The following RYR2 variants were observed in gnomAD, a reference collection of about 807,000 sequenced individuals.
RYR2 encodes the protein ryanodine receptor 2.
RYR2 carries 227 observed loss-of-function variants against 601.1 expected under a neutral mutation model. The ratio of observed to expected loss-of-function variants is 0.38; its 90% CI spans 0.34 to 0.42. The LOEUF (loss-of-function observed/expected upper bound fraction) is 0.42. RYR2 is among the 10% of genes least tolerant of loss of function. The pLI, the probability that RYR2 is intolerant of heterozygous loss-of-function variation, is 1.00. For synonymous variants in RYR2, 2,223 were observed against 2,175.1 expected (o/e 1.02, Z -0.61); for missense variants, 4,646 against 6,156.5 (o/e 0.75, Z 8.21).
At chr1:237,568,629 C>A (rs1361753674) in intron 28 of RYR2, among the ~76,000 whole-genome samples, 3 of 152,052 alleles carry the variant, frequency 2.0e-5, no homozygotes, top group Non-Finnish European at 2.9e-5. Context: ...TTCTAGATTT[C>A]CATTTTGTTA....
intron 29 of RYR2, among the ~76,000 whole-genome samples, chr1:237,581,536 GA>G (rs918098456): frequency 6.7e-5 from 10 of 148,444 alleles, no homozygotes; most frequent in South Asian, 2.1e-4. Context: ...TGCTGTTTTA[GA>G]AAAAAAAAAG....
intron 92 of RYR2, 75 bp from the exon 93 acceptor site, chr1:237,791,354 A>C: frequency 1.3e-6 from 1 of 779,094 alleles, no homozygotes; most frequent in Non-Finnish European, 2.3e-6. Flanking sequence ...AAATGAATGA[A>C]TGCTTTATTT....
chr1:237,262,755 T>G (rs935843368), intron 1 of RYR2, among the ~76,000 whole-genome samples: 2 of 152,162 alleles, frequency 1.3e-5, no homozygotes, highest in East Asian at 1.9e-4. Flanking sequence ...AAGATACATA[T>G]AGTGAGCTTT....
intron 8 of RYR2, among the ~76,000 whole-genome samples, chr1:237,380,389 TA>T (rs1558718031): frequency 0.26 from 14,088 of 53,876 alleles, 2,543 homozygotes; most frequent in East Asian, 0.48. Flanking sequence ...TATATATATA[TA>T]TATATATATA....
chr1:237,306,644 G>A (rs987925578), intron 2 of RYR2, among the ~76,000 whole-genome samples: 6 of 151,954 alleles, frequency 3.9e-5, no homozygotes, highest in African/African-American at 1.2e-4. Context: ...GACTTTTTTC[G>A]TGTGGGTTTT....
At chr1:237,267,628 T>C in intron 1 of RYR2, 2 of 318,860 alleles carry the variant, frequency 6.3e-6, no homozygotes, top group South Asian at 4.6e-5. Flanking sequence ...TCTAACAAGC[T>C]CTCAAGTGTG....
intron 53 of RYR2, among the ~76,000 whole-genome samples, chr1:237,656,339 G>T (rs1683244649): frequency 6.6e-6 from 1 of 151,846 alleles, no homozygotes; most frequent in African/African-American, 2.4e-5. Flanking sequence ...TACTTAGGAT[G>T]TACCCAGCAT....
At position 237,513,305 on chromosome 1, in the gene RYR2, C is replaced by T. The variant is rs190304627; in HGVS notation, c.2822+1514C>T. Among the ~76,000 whole-genome samples the T allele has an allele frequency of 1.2e-3, 186 of 152,322 alleles. 2 individuals carry two copies. The highest frequency in any genetic ancestry group is 4.2e-3 in the African/African-American group (176 of 41,562). On this transcript the variant is annotated intron_variant, in intron 24 of 104. Transcript: ENST00000366574. ...TCCTCCTTCCATCCTTGATGTCCTA[C>T]AGAACTGGATTTGTTCCAATAGGTC...
intron 47 of RYR2, among the ~76,000 whole-genome samples, chr1:237,641,463 G>GTCTTTCTTTCTTTCTTTCTT (rs1459578599): frequency 2.2e-4 from 12 of 55,260 alleles, no homozygotes; most frequent in East Asian, 1.2e-3. Flanking sequence ...ATAAATTAGT[G>GTCTTTCTTTCTTTCTTTCTT]TCTGTCTGTC....
intron 12 of RYR2, among the ~76,000 whole-genome samples, chr1:237,430,628 G>T (rs1187576196): frequency 6.6e-6 from 1 of 152,044 alleles, no homozygotes; most frequent in Non-Finnish European, 1.5e-5. Flanking sequence ...TATTACAATA[G>T]TCATATTTAT....
intron 12 of RYR2, among the ~76,000 whole-genome samples, chr1:237,436,453 C>CATTTTTTTTTTT (rs1491092540): frequency 1.1e-4 from 6 of 55,842 alleles, no homozygotes; most frequent in Non-Finnish European, 1.2e-4. Flanking sequence ...GTGTGATTTT[C>CATTTTTTTTTTT]CTTTTTTTTT....
intron 84 of RYR2, among the ~76,000 whole-genome samples, chr1:237,765,105 C>G (rs1220542713): frequency 6.6e-6 from 1 of 151,456 alleles, no homozygotes; most frequent in East Asian, 1.9e-4. Flanking sequence ...GCTGTCTGTG[C>G]TGTATATTTT....
At chr1:237,298,322 C>T (rs1042649213) in intron 2 of RYR2, among the ~76,000 whole-genome samples, 3 of 152,030 alleles carry the variant, frequency 2.0e-5, no homozygotes, top group Admixed American at 2.0e-4. Context: ...CTCTAGTAAT[C>T]CAAGGATGGC....
intron 34 of RYR2, among the ~76,000 whole-genome samples, chr1:237,601,512 T>C (rs1676500641): frequency 6.6e-6 from 1 of 152,064 alleles, no homozygotes; most frequent in African/African-American, 2.4e-5. Flanking sequence ...AGCGCTGGTG[T>C]CCTATTGGAC....
At chr1:237,828,514 C>T (rs1205335091) in intron 102 of RYR2, 69 bp downstream of exon 102, 3 of 997,162 alleles carry the variant, frequency 3.0e-6, no homozygotes, top group Non-Finnish European at 4.5e-6. Flanking sequence ...CTACCTTTAT[C>T]AATAGAATCA....
intron 12 of RYR2, among the ~76,000 whole-genome samples, 185 bp from the exon 13 acceptor site, chr1:237,441,134 A>G (rs1707860587): frequency 6.6e-6 from 1 of 152,198 alleles, no homozygotes; most frequent in African/African-American, 2.4e-5. Flanking sequence ...GTGTTTTACC[A>G]ATGTGAATAA....
chr1:237,177,458 A>G (rs2490354), intron 1 of RYR2, among the ~76,000 whole-genome samples: 150,992 of 152,288 alleles, frequency 0.99, 74,864 homozygotes, highest in Middle Eastern at 1. Context: ...CTGAATTCTA[A>G]GCTTATTCTC....
rs1387672606 is a variant in RYR2 at position 237,042,414 on chromosome 1, C to G, written c.-108C>G. ...TCGGCACCCGGCAGCGCGGCCCCCT[C>G]CAGCCCCCGGCTCCCGGCAGCAGAA... is the stretch of plus-strand genomic sequence containing the variant. On this transcript the variant is annotated 5_prime_UTR_variant, in exon 1 of 105. Transcript: ENST00000366574. 9.1e-7 allele frequency: 1 copy of G among 1,098,666 alleles called. No individual in the cohort carries two copies. The highest frequency in any genetic ancestry group is 1.1e-6 in the Non-Finnish European group (1 of 872,096). The allele number at this position is 1,098,666 out of a possible 1,614,324, so 68.1% of individuals were successfully genotyped here.
rs773724751 is a variant in RYR2 at position 237,792,099 on chromosome 1, A to C, written c.13564-6A>C. On this transcript the variant is annotated splice_polypyrimidine_tract_variant and splice_region_variant and intron_variant, in intron 93 of 104. Coordinates refer to ENST00000366574, the MANE Select transcript of RYR2 (RefSeq NM_001035.3). ...AACTGACTCTACTTTAAATGCTTTG[A>C]ATCAGGTCTCCACTTCTTCTGTGGT... 5 of 1,580,376 alleles carry C rather than the reference A, an allele frequency of 3.2e-6. No homozygotes were observed. In the South Asian group the frequency reaches 5.8e-5, roughly 18 times the overall value.
Sources: allele counts gnomAD v4.1 joint callset (sites outside exome capture counted in the v4.1 genomes callset), GRCh38; gene constraint gnomAD v4.1.1; transcripts MANE v1.5; gene names NCBI Gene and HGNC (gene_info 2026-07-23, HGNC 2026-07-21).